Variants in RBM20 observed in about 807,000 individuals in gnomAD.
RBM20 encodes the protein RNA-binding protein 20.
A neutral mutation model predicts 110.1 loss-of-function variants in RBM20; 51 were observed. The observed-to-expected ratio is 0.46, with a 90% confidence interval of 0.37 to 0.59. The LOEUF is 0.59. Ranked by LOEUF, RBM20 falls within the 20% of genes least tolerant of loss-of-function variation. The pLI is 0.00. For synonymous variants in RBM20, 589 were observed against 618.2 expected, an observed-to-expected ratio of 0.95 and a Z score of 0.70; for missense variants, 1,512 against 1,574.9, an observed-to-expected ratio of 0.96 and a Z score of 0.68.
chr10:110,728,518 G>T (rs1192135452), intron 1 of RBM20, among the ~76,000 whole-genome samples: 1 of 152,066 alleles, frequency 6.6e-6, no homozygotes, highest in African/African-American at 2.4e-5. Flanking sequence ...TATGCCTCAG[G>T]GTCAAGGTGA....
At chr10:110,783,460 T>C (rs1246051637) in intron 3 of RBM20, 33 bp downstream of exon 3, 7 of 1,464,794 alleles carry the variant, frequency 4.8e-6, no homozygotes, top group Admixed American at 2.0e-5. Context: ...GGCTCATGCG[T>C]AGGCTCAACA....
chr10:110,662,180 G>A (rs145195150), intron 1 of RBM20, among the ~76,000 whole-genome samples: 33 of 152,214 alleles, frequency 2.2e-4, no homozygotes, highest in African/African-American at 7.9e-4. Flanking sequence ...TTGTTAGAAG[G>A]GCTGTGAAGG....
At chr10:110,783,189 C>G (rs1844376337) in intron 2 of RBM20, among the ~76,000 whole-genome samples, 177 bp from the exon 3 acceptor site, 1 of 151,996 alleles carries the variant, frequency 6.6e-6, no homozygotes, top group Non-Finnish European at 1.5e-5. Flanking sequence ...GATGGGGAGG[C>G]AGGAACAGTG....
At chr10:110,806,237 C>T (rs1844692938) in intron 7 of RBM20, among the ~76,000 whole-genome samples, 1 of 149,554 alleles carries the variant, frequency 6.7e-6, no homozygotes, top group African/African-American at 2.5e-5. Context: ...CACTGCACTC[C>T]AGCCTGGGAC....
chr10:110,716,757 C>CA (rs367967417), intron 1 of RBM20, among the ~76,000 whole-genome samples: 98 of 147,358 alleles, frequency 6.7e-4, no homozygotes, highest in Admixed American at 9.5e-4. Flanking sequence ...ACTAAAAATA[C>CA]AAAAAAAAAA....
intron 1 of RBM20, among the ~76,000 whole-genome samples, chr10:110,758,014 CTTTTTTTTTTTTT>C (rs760246427): frequency 2.5e-5 from 2 of 79,910 alleles, no homozygotes; most frequent in Admixed American, 1.8e-4. Flanking sequence ...GATCCTTGTT[CTTTTTTTTTTTTT>C]TTTTTTTTTT....
intron 12 of RBM20, among the ~76,000 whole-genome samples, chr10:110,824,570 G>A (rs1427677199): frequency 6.6e-6 from 1 of 152,150 alleles, no homozygotes; most frequent in Admixed American, 6.5e-5. Context: ...AATGGTGGAA[G>A]TGTTGGGAAT....
intron 1 of RBM20, among the ~76,000 whole-genome samples, chr10:110,724,053 A>T (rs531340855): frequency 6.6e-6 from 1 of 152,364 alleles, no homozygotes; most frequent in Admixed American, 6.5e-5. Flanking sequence ...TTACATTACT[A>T]GCCAAAAGTT....
At chr10:110,725,788 T>C (rs765505471) in intron 1 of RBM20, among the ~76,000 whole-genome samples, 3 of 152,192 alleles carry the variant, frequency 2.0e-5, no homozygotes, top group Non-Finnish European at 4.4e-5. Context: ...GTAAAACCAA[T>C]TGTATGGCAT....
intron 1 of RBM20, among the ~76,000 whole-genome samples, chr10:110,721,047 C>T (rs1590635759): frequency 6.6e-6 from 1 of 152,222 alleles, no homozygotes; most frequent in African/African-American, 2.4e-5. Context: ...GGACTGGCTT[C>T]CTTATTTCCT....
intron 1 of RBM20, among the ~76,000 whole-genome samples, chr10:110,730,824 CGGCA>C (rs1467738968): frequency 6.6e-6 from 1 of 152,204 alleles, no homozygotes; most frequent in East Asian, 1.9e-4. Context: ...TGGGAGAGGC[CGGCA>C]GGCAGGGAAT....
In RBM20 at chr10:110,727,020, G is replaced by T. The variant is rs1228985656; in HGVS notation, c.192-53781G>T. On this transcript the variant is annotated intron_variant, in intron 1 of 13. Transcript: ENST00000369519. ...CACCACACTGCCCGGCTGATTTTTT[G>T]TGTTTTTAGCAGAGACAGGGTTTCG... Among the ~76,000 whole-genome samples the T allele has an allele frequency of 5.3e-5, 8 of 151,988 alleles. No individual in the cohort carries two copies. In the East Asian group the frequency reaches 1.5e-3, roughly 29 times the overall value.
Position 110,839,216 on chromosome 10 carries a change from T to TC in RBM20, c.*3241dup, listed in dbSNP as rs1454384127. On this transcript the variant is annotated 3_prime_UTR_variant, in exon 14 of 14. Coordinates refer to ENST00000369519, the MANE Select transcript of RBM20 (RefSeq NM_001134363.3). ...AGCAGCAGCCGTTAGTATCAGGGTT[T>TC]CCCATTCTTGGACAGTCCGAGGCTG... 1 of 152,234 alleles carries TC rather than the reference T, an allele frequency of 6.6e-6. No homozygotes were observed. Among genetic ancestry groups the TC allele is most frequent in the Non-Finnish European group, 1.5e-5 (1 of 68,038 alleles). The allele number at this position is 152,234 out of a possible 1,614,324, so 9.4% of individuals were successfully genotyped here.
intron 1 of RBM20, among the ~76,000 whole-genome samples, chr10:110,703,984 C>T (rs538235153): frequency 2.6e-4 from 40 of 152,266 alleles, no homozygotes; most frequent in Admixed American, 9.8e-4. Flanking sequence ...TGGTGGTGTG[C>T]ACCTGTAGTC....
In RBM20 at chr10:110,785,355, G is replaced by A. The variant is rs186382853; in HGVS notation, c.1527+466G>A. On this transcript the variant is annotated intron_variant, in intron 5 of 13. Coordinates refer to ENST00000369519, the MANE Select transcript of RBM20 (RefSeq NM_001134363.3). Reference sequence around the variant, plus strand: ...TCCAAGATGACATGACCAGAAGTGAGGTGAGCATGTGACTCAGGCAGCCAA... The same window carrying A: ...TCCAAGATGACATGACCAGAAGTGAAGTGAGCATGTGACTCAGGCAGCCAA... Among the ~76,000 whole-genome samples the A allele has an allele frequency of 1.5e-4, 23 of 152,252 alleles. No homozygotes were observed. The East Asian group carries it at 4.0e-3, about 27-fold the overall frequency.
intron 1 of RBM20, among the ~76,000 whole-genome samples, chr10:110,652,898 C>T (rs976822259): frequency 1.3e-5 from 2 of 152,186 alleles, no homozygotes; most frequent in Admixed American, 6.5e-5. Context: ...GTTATCTCCT[C>T]TCACCCCATC....
intron 1 of RBM20, among the ~76,000 whole-genome samples, chr10:110,679,480 T>C (rs1313391776): frequency 2.6e-5 from 4 of 152,144 alleles, no homozygotes; most frequent in Non-Finnish European, 5.9e-5. Context: ...CTCACCCTCC[T>C]AAAGCACTGG....
intron 1 of RBM20, among the ~76,000 whole-genome samples, chr10:110,743,383 A>C (rs1029619266): frequency 6.6e-6 from 1 of 152,210 alleles, no homozygotes; most frequent in African/African-American, 2.4e-5. Flanking sequence ...TTCACAGTTC[A>C]TCAAATGACA....
intron 13 of RBM20, among the ~76,000 whole-genome samples, chr10:110,834,511 C>G (rs1845097980): frequency 6.6e-6 from 1 of 152,202 alleles, no homozygotes; most frequent in African/African-American, 2.4e-5. Context: ...GTGGCTTTCT[C>G]CAACTCATAT....
Sources: gnomAD v4.1 joint callset for allele counts (sites outside exome capture counted in the v4.1 genomes callset) on GRCh38, gnomAD v4.1.1 for gene constraint, MANE v1.5 for transcripts, NCBI Gene and HGNC (gene_info 2026-07-23, HGNC 2026-07-21) for gene names.